COL8A1: variants seen among roughly 807,000 people sequenced by gnomAD.
COL8A1 encodes collagen type VIII alpha 1 chain, also known as collagen alpha-1(VIII) chain.
Under a neutral mutation model 42.7 loss-of-function variants are expected in COL8A1, and 21 were observed. That is an observed-to-expected ratio of 0.49 (90% CI 0.35 to 0.71). COL8A1 has a LOEUF of 0.71. COL8A1 is among the 30% of genes least tolerant of loss of function. COL8A1 has a pLI of 0.01. For synonymous variants in COL8A1, 367 were observed against 369.1 expected (o/e 0.99, Z 0.06); for missense variants, 788 against 962.4 (o/e 0.82, Z 2.40).
intron 1 of COL8A1, among the ~76,000 whole-genome samples, chr3:99,669,768 A>G (rs887933292): frequency 2.6e-5 from 4 of 152,062 alleles, no homozygotes; most frequent in Non-Finnish European, 5.9e-5. Flanking sequence ...GAGGGAAGCT[A>G]TGTCACAACC....
intron 1 of COL8A1, chr3:99,675,751 G>A (rs1310969898): frequency 6.6e-6 from 1 of 152,328 alleles, no homozygotes; most frequent in African/African-American, 2.4e-5. Context: ...TTAGATATTT[G>A]CGGTGTGCCT....
chr3:99,717,504 A>G (rs1192270559), intron 1 of COL8A1, among the ~76,000 whole-genome samples: 1 of 152,044 alleles, frequency 6.6e-6, no homozygotes, highest in Non-Finnish European at 1.5e-5. Context: ...AAAAGATTAT[A>G]TAGGTTCAAA....
chr3:99,783,361 G>A (rs1484075023), intron 2 of COL8A1, among the ~76,000 whole-genome samples: 4 of 152,174 alleles, frequency 2.6e-5, no homozygotes, highest in Non-Finnish European at 5.9e-5. Flanking sequence ...GGGATGATTG[G>A]CTGCTCTTAA....
At chr3:99,654,827 A>G (rs898918994) in intron 1 of COL8A1, among the ~76,000 whole-genome samples, 6 of 152,132 alleles carry the variant, frequency 3.9e-5, no homozygotes, top group Non-Finnish European at 7.4e-5. Flanking sequence ...GGAAATTACA[A>G]GCTATAGTGG....
chr3:99,658,142 A>C lies in COL8A1; in HGVS notation c.-129+19478A>C, dbSNP rs529709806. ...AAAAACAAAAAACAAAAAAAAAAAA[A>C]CACCTTTCAAAGACATTTCATAGCC... On this transcript the variant is annotated intron_variant, in intron 1 of 3. Transcript: ENST00000652472. Among the ~76,000 whole-genome samples, 6 of 151,450 alleles carry C rather than the reference A, an allele frequency of 4.0e-5. 1 individual carries two copies. The highest frequency in any genetic ancestry group is 2.0e-4 in the Admixed American group (3 of 15,196).
chr3:99,691,960 T>C (rs1474354621), intron 1 of COL8A1: 2 of 152,152 alleles, frequency 1.3e-5, no homozygotes, highest in East Asian at 3.8e-4. Context: ...AGAAAAGCCC[T>C]TTTTTAAGCC....
intron 2 of COL8A1, among the ~76,000 whole-genome samples, chr3:99,756,208 A>G (rs1285091241): frequency 1.3e-5 from 2 of 151,870 alleles, no homozygotes; most frequent in Non-Finnish European, 2.9e-5. Flanking sequence ...GGGTAGAATC[A>G]TTTTCTGAAT....
intron 1 of COL8A1, among the ~76,000 whole-genome samples, chr3:99,701,736 T>C (rs1939545683): frequency 6.6e-6 from 1 of 152,230 alleles, no homozygotes; most frequent in South Asian, 2.1e-4. Context: ...ATTTTAGATC[T>C]GGAAGATCAT....
intron 2 of COL8A1, among the ~76,000 whole-genome samples, chr3:99,786,075 A>C (rs1941889234): frequency 6.6e-6 from 1 of 151,800 alleles, no homozygotes; most frequent in Non-Finnish European, 1.5e-5. Flanking sequence ...ATTGTAGTAA[A>C]CAGGACTCTT....
chr3:99,672,615 A>G (rs1269490306), intron 1 of COL8A1, among the ~76,000 whole-genome samples: 2 of 151,878 alleles, frequency 1.3e-5, no homozygotes, highest in African/African-American at 4.8e-5. Context: ...TCACTCCATT[A>G]TCATTGATCA....
intron 1 of COL8A1, among the ~76,000 whole-genome samples, chr3:99,735,837 T>C (rs986817278): frequency 1.3e-5 from 2 of 152,112 alleles, no homozygotes; most frequent in African/African-American, 4.8e-5. Context: ...GATCCTGTTA[T>C]TGGTCTATTC....
chr3:99,747,239 A>G (rs1230660679), intron 2 of COL8A1, among the ~76,000 whole-genome samples: 1 of 152,212 alleles, frequency 6.6e-6, no homozygotes, highest in Non-Finnish European at 1.5e-5. Flanking sequence ...TAGACAGATT[A>G]TATATTTTCC....
chr3:99,650,560 G>T (rs1007690425), intron 1 of COL8A1, among the ~76,000 whole-genome samples: 2 of 151,846 alleles, frequency 1.3e-5, no homozygotes, highest in African/African-American at 4.8e-5. Context: ...TCAGCCTCCC[G>T]AGTAGCTGGG....
At chr3:99,791,591 G>A (rs1365066282) in intron 3 of COL8A1, among the ~76,000 whole-genome samples, 1 of 152,208 alleles carries the variant, frequency 6.6e-6, no homozygotes, top group Non-Finnish European at 1.5e-5. Flanking sequence ...AATCTCTCCT[G>A]TTGCTTTCTT....
At position 99,665,193 on chromosome 3, in the gene COL8A1, G is replaced by C. The variant is rs76257025; in HGVS notation, c.-129+26529G>C. 3.8e-3 allele frequency among the ~76,000 whole-genome samples: 582 copies of C among 152,360 alleles called. 3 individuals are homozygous for C. The highest frequency in any genetic ancestry group is 0.014 in the African/African-American group (567 of 41,584). ...GCATGTATTCTCAACTCTCACAAGA[G>C]AGCTTCTTGCAGCTGCCTGCCTCTC... On this transcript the variant is annotated intron_variant, in intron 1 of 3. Transcript: ENST00000652472.
At chr3:99,782,612 G>A (rs186335349) in intron 2 of COL8A1, among the ~76,000 whole-genome samples, 4 of 152,046 alleles carry the variant, frequency 2.6e-5, no homozygotes, top group Admixed American at 6.6e-5. Context: ...GGCTGGTCTC[G>A]AACACCTGAC....
chr3:99,726,775 C>CTGTTTTGGTACCAGTACCATGT (rs1263627857), intron 1 of COL8A1, among the ~76,000 whole-genome samples: 5 of 151,924 alleles, frequency 3.3e-5, no homozygotes, highest in Non-Finnish European at 5.9e-5. Flanking sequence ...ATCTATATCT[C>CTGTTTTGGTACCAGTACCATGT]TGTTTTGGTA....
Position 99,799,093 on chromosome 3 carries a change from C to T in COL8A1, c.*2957C>T, listed in dbSNP as rs924437970. On this transcript the variant is annotated 3_prime_UTR_variant, in exon 4 of 4. Transcript: ENST00000652472. ...CAAATATTTTATAGAATACAATGAA[C>T]GGTGAACAGACTGGTAACTTGTTTG... is the stretch of plus-strand genomic sequence containing the variant. The T allele has an allele frequency of 6.6e-6, 1 of 152,162 alleles. No homozygotes were observed. The highest frequency in any genetic ancestry group is 6.5e-5 in the Admixed American group (1 of 15,282). The allele number at this position is 152,162 out of a possible 1,614,324, so 9.4% of individuals were successfully genotyped here. A position where few individuals can be genotyped will look rare whatever the true frequency, so the allele number is the denominator to read the frequency against.
intron 2 of COL8A1, among the ~76,000 whole-genome samples, chr3:99,758,338 C>T (rs792837): frequency 0.51 from 77,830 of 151,924 alleles, 20,160 homozygotes; most frequent in East Asian, 0.67. Context: ...CAGGTTAATC[C>T]AACTTCCCCC....
Sources: gnomAD v4.1 joint callset for allele counts (sites outside exome capture counted in the v4.1 genomes callset) on GRCh38, gnomAD v4.1.1 for gene constraint, MANE v1.5 for transcripts, NCBI Gene and HGNC (gene_info 2026-07-23, HGNC 2026-07-21) for gene names.